Variants in LEKR1 observed in about 807,000 individuals in gnomAD.
The protein encoded by LEKR1 is protein LEKR1.
In LEKR1, 59 loss-of-function variants were observed where a neutral mutation model predicts 72.4. The observed-to-expected ratio is 0.82, with a 90% CI of 0.66 to 1.01. The LOEUF is 1.01. Among genes scored for constraint, LEKR1 ranks in the 50% least tolerant of loss-of-function variants. The probability of loss-of-function intolerance (pLI) is 0.00; values close to 1 mark genes in which losing one functional copy is unlikely to be tolerated. For synonymous variants in LEKR1, 257 were observed against 263.2 expected (o/e 0.98, Z 0.23); for missense variants, 728 against 759.2 (o/e 0.96, Z 0.48).
At chr3:156,888,454 A>AT (rs941412288) in intron 3 of LEKR1, 30 of 687,044 alleles carry the variant, frequency 4.4e-5, no homozygotes, top group African/African-American at 2.6e-4. Flanking sequence ...CAAAATAAAT[A>AT]TTTTTTTGAA....
At chr3:156,914,144 A>T (rs553938258) in intron 3 of LEKR1, among the ~76,000 whole-genome samples, 2 of 152,074 alleles carry the variant, frequency 1.3e-5, no homozygotes, top group Admixed American at 6.6e-5. Flanking sequence ...AATTTTCTCA[A>T]TTCTTTAAAA....
chr3:156,914,499 T>A (rs1364024957), intron 3 of LEKR1, among the ~76,000 whole-genome samples: 1 of 152,180 alleles, frequency 6.6e-6, no homozygotes, highest in Non-Finnish European at 1.5e-5. Flanking sequence ...GAACTCAACC[T>A]TTTTTATGGC....
intron 12 of LEKR1, among the ~76,000 whole-genome samples, chr3:157,034,471 A>G (rs1232974893): frequency 6.6e-6 from 1 of 152,222 alleles, no homozygotes; most frequent in Non-Finnish European, 1.5e-5. Flanking sequence ...ATAGCAAGAG[A>G]ACTAGAATTA....
intron 7 of LEKR1, among the ~76,000 whole-genome samples, chr3:156,981,917 T>A (rs62275841): frequency 0.031 from 4,761 of 152,334 alleles, 109 homozygotes; most frequent in Non-Finnish European, 0.046. Flanking sequence ...TTTCTTCCAT[T>A]TTTAATCCTT....
chr3:157,000,792 T>C (rs939870168), intron 9 of LEKR1, among the ~76,000 whole-genome samples: 1 of 152,200 alleles, frequency 6.6e-6, no homozygotes, highest in African/African-American at 2.4e-5. Context: ...ATGGTTAGGC[T>C]TTGTGTCCCC....
intron 6 of LEKR1, 146 bp downstream of exon 6, chr3:156,942,860 A>G (rs932914702): frequency 3.0e-6 from 1 of 336,256 alleles, no homozygotes; most frequent in Non-Finnish European, 5.4e-6. Flanking sequence ...CACTATGGTG[A>G]TAACTGTGTC....
intron 12 of LEKR1, among the ~76,000 whole-genome samples, chr3:157,038,312 G>A (rs1735105583): frequency 6.6e-6 from 1 of 152,212 alleles, no homozygotes; most frequent in Non-Finnish European, 1.5e-5. Context: ...AGAGTGCTGA[G>A]ATGGGAAATG....
intron 6 of LEKR1, among the ~76,000 whole-genome samples, chr3:156,947,496 A>G (rs2107972797): frequency 6.6e-6 from 1 of 151,328 alleles, no homozygotes; most frequent in East Asian, 1.9e-4. Context: ...AAAAAAATGC[A>G]TTTAATGCTG....
chr3:156,887,850 C>G (rs1485117755), intron 3 of LEKR1, among the ~76,000 whole-genome samples: 1 of 152,054 alleles, frequency 6.6e-6, no homozygotes, highest in Non-Finnish European at 1.5e-5. Flanking sequence ...ATTCTTTTTT[C>G]CAGATGGTAT....
rs554199710 is a variant in LEKR1, at chr3:156,982,313, C to T, written c.827+3038C>T. Among the ~76,000 whole-genome samples the T allele has an allele frequency of 7.2e-5, 11 of 152,238 alleles. 1 individual carries two copies. In the East Asian group the frequency reaches 1.7e-3, roughly 24 times the overall value. On this transcript the variant is annotated intron_variant, in intron 7 of 12. Transcript: ENST00000356539. The stretch of plus-strand genomic sequence containing the variant: ...CAAAGCTAAGTCAGGTCCCTATAAT[C>T]GCAAGATGGCTGCAGTTCCTCCACT...
At chr3:157,036,387 G>T (rs567974424) in intron 12 of LEKR1, among the ~76,000 whole-genome samples, 22 of 152,106 alleles carry the variant, frequency 1.4e-4, no homozygotes, top group African/African-American at 4.6e-4. Flanking sequence ...ATGGAGAAAA[G>T]AAAAGAAAAT....
chr3:157,040,367 A>G (rs1156959311), intron 12 of LEKR1, among the ~76,000 whole-genome samples: 2 of 152,188 alleles, frequency 1.3e-5, no homozygotes, highest in Non-Finnish European at 1.5e-5. Context: ...TTGTTTGGGT[A>G]TGTCTATTGC....
At chr3:156,959,045 A>G (rs1727893994) in intron 6 of LEKR1, among the ~76,000 whole-genome samples, 1 of 152,146 alleles carries the variant, frequency 6.6e-6, no homozygotes. Flanking sequence ...AGATTTTGTT[A>G]TCTTGATAAG....
At chr3:157,013,181 CAG>C (rs1399991186) in intron 10 of LEKR1, among the ~76,000 whole-genome samples, 2 of 152,136 alleles carry the variant, frequency 1.3e-5, no homozygotes, top group Non-Finnish European at 2.9e-5. Flanking sequence ...GATAGCGATT[CAG>C]AGAGTCATTC....
chr3:156,937,243 A>G (rs1467690341), intron 5 of LEKR1, among the ~76,000 whole-genome samples: 1 of 152,170 alleles, frequency 6.6e-6, no homozygotes, highest in Non-Finnish European at 1.5e-5. Context: ...AAAAAGCTAC[A>G]GTACAGACTA....
chr3:156,858,166 A>G (rs1000565250), intron 3 of LEKR1, among the ~76,000 whole-genome samples: 3 of 152,070 alleles, frequency 2.0e-5, no homozygotes, highest in Non-Finnish European at 2.9e-5. Flanking sequence ...GTATCCTCTT[A>G]TTTAGAAGCT....
chr3:156,828,221 C>T (rs1369201360), intron 1 of LEKR1, among the ~76,000 whole-genome samples: 1 of 152,228 alleles, frequency 6.6e-6, no homozygotes, highest in African/African-American at 2.4e-5. Context: ...ATCTTCTCTT[C>T]CACTAGTGGT....
chr3:156,861,167 C>G (rs901630672), intron 3 of LEKR1, among the ~76,000 whole-genome samples: 1 of 151,994 alleles, frequency 6.6e-6, no homozygotes, highest in Non-Finnish European at 1.5e-5. Context: ...AGATTTTTCT[C>G]CAGAGTATAA....
At chr3:156,964,956 T>A (rs894647242) in intron 6 of LEKR1, among the ~76,000 whole-genome samples, 2 of 152,292 alleles carry the variant, frequency 1.3e-5, no homozygotes, top group East Asian at 3.9e-4. Context: ...TTCTGTTCAT[T>A]TCATTGTAGG....
Sources: gnomAD v4.1 joint callset for allele counts (sites outside exome capture counted in the v4.1 genomes callset) on GRCh38, gnomAD v4.1.1 for gene constraint, MANE v1.5 for transcripts, NCBI Gene and HGNC (gene_info 2026-07-23, HGNC 2026-07-21) for gene names.